The following CDH4 variants were observed in gnomAD, a reference collection of about 807,000 sequenced individuals.
The protein encoded by CDH4 is cadherin 4, also known as cadherin-4.
A neutral mutation model predicts 86.0 loss-of-function variants in CDH4; 33 were observed. The observed-to-expected ratio is 0.38, with a 90% CI of 0.29 to 0.51. The LOEUF is 0.51. Among genes scored for constraint, CDH4 ranks in the 20% least tolerant of loss-of-function variants. CDH4 has a pLI of 0.86. For missense variants in CDH4, 1,114 were observed against 1,307.4 expected, an observed-to-expected ratio of 0.85 and a Z score of 2.28; for synonymous variants, 555 against 549.4, an observed-to-expected ratio of 1.01 and a Z score of -0.14.
intron 2 of CDH4, among the ~76,000 whole-genome samples, chr20:61,451,765 G>A (rs1248609427): frequency 1.3e-5 from 2 of 152,094 alleles, no homozygotes; most frequent in East Asian, 3.9e-4. Flanking sequence ...GACAGGGCAG[G>A]AGGGCTCCCT....
intron 2 of CDH4, among the ~76,000 whole-genome samples, chr20:61,350,154 C>T (rs1217812319): frequency 1.5e-5 from 1 of 65,018 alleles, no homozygotes; most frequent in Non-Finnish European, 3.1e-5. Context: ...CACCTCTGAC[C>T]TTGCCTCTCC....
chr20:61,550,694 G>A lies in CDH4; in HGVS notation c.170-192869G>A, dbSNP rs577526016. On this transcript the variant is annotated intron_variant, in intron 2 of 15. Transcript: ENST00000614565. ...CTTCTTGGATGCCACAACCTGCACC[G>A]GAGCCCTCCTCTTCTTTGGGCTCCT... Among the ~76,000 whole-genome samples the A allele has an allele frequency of 9.8e-5, 15 of 152,288 alleles. No homozygotes were observed. The South Asian group carries it at 1.2e-3, about 13-fold the overall frequency.
intron 2 of CDH4, among the ~76,000 whole-genome samples, chr20:61,439,828 G>A (rs376734519): frequency 5.3e-5 from 8 of 152,228 alleles, no homozygotes; most frequent in East Asian, 3.9e-4. Flanking sequence ...GGGGACTAGC[G>A]GGGAGGGCTG....
intron 2 of CDH4, among the ~76,000 whole-genome samples, chr20:61,666,255 T>C (rs1251586808): frequency 1.3e-5 from 2 of 152,192 alleles, no homozygotes; most frequent in Admixed American, 6.5e-5. Context: ...CCACAAGAGA[T>C]GGCTGCACAG....
chr20:61,747,465 G>T (rs201130032), intron 3 of CDH4, among the ~76,000 whole-genome samples: 3 of 128,162 alleles, frequency 2.3e-5, no homozygotes, highest in Non-Finnish European at 3.3e-5. Flanking sequence ...AAAAAAAAAA[G>T]ACCCACAGAG....
In CDH4 at chr20:61,934,034, TCCTCCCGGCTC is replaced by T. The variant is rs774834172; in HGVS notation, c.2380-15_2380-5del. 1 of 1,609,356 alleles carries T rather than the reference TCCTCCCGGCTC, an allele frequency of 6.2e-7. No individual in the cohort carries two copies. The highest frequency in any genetic ancestry group is 8.5e-7 in the Non-Finnish European group (1 of 1,179,228). On this transcript the variant is annotated splice_polypyrimidine_tract_variant and intron_variant, in intron 14 of 15. Transcript: ENST00000614565. ...GGCGGATTCTTCTGATGCCCCTGAC[TCCTCCCGGCTC>T]CCTCCCCCAGGACTACGACCTCAGC...
intron 4 of CDH4, among the ~76,000 whole-genome samples, chr20:61,816,608 G>T (rs1223337610): frequency 6.6e-6 from 1 of 152,142 alleles, no homozygotes; most frequent in Non-Finnish European, 1.5e-5. Flanking sequence ...TGGGTGAGTG[G>T]CTGGGGAGGG....
intron 2 of CDH4, among the ~76,000 whole-genome samples, chr20:61,560,137 A>G (rs1309276705): frequency 6.6e-6 from 1 of 151,578 alleles, no homozygotes; most frequent in Non-Finnish European, 1.5e-5. Context: ...ACAAAGGAAG[A>G]CCCCCTGTGG....
chr20:61,848,308 C>T (rs1982551738), intron 5 of CDH4, among the ~76,000 whole-genome samples: 1 of 152,214 alleles, frequency 6.6e-6, no homozygotes, highest in Admixed American at 6.5e-5. Flanking sequence ...CCACCTGCCC[C>T]AGCCACCCAC....
chr20:61,864,084 T>C (rs1231044804), intron 6 of CDH4, among the ~76,000 whole-genome samples: 8 of 152,266 alleles, frequency 5.3e-5, no homozygotes, highest in African/African-American at 1.7e-4. Flanking sequence ...ATGACTGTTT[T>C]CCTTCTAACA....
At chr20:61,801,279 G>A (rs900951545) in intron 4 of CDH4, among the ~76,000 whole-genome samples, 3 of 152,064 alleles carry the variant, frequency 2.0e-5, no homozygotes, top group Non-Finnish European at 2.9e-5. Context: ...GTGGGGTCAG[G>A]CAGCCTCTGG....
At chr20:61,543,953 CAA>C (rs1163798820) in intron 2 of CDH4, among the ~76,000 whole-genome samples, 1 of 152,216 alleles carries the variant, frequency 6.6e-6, no homozygotes, top group Non-Finnish European at 1.5e-5. Flanking sequence ...CTGTCATCTG[CAA>C]AGATAGGCTC....
chr20:61,727,982 A>C (rs1424046675), intron 2 of CDH4, among the ~76,000 whole-genome samples: 1 of 152,154 alleles, frequency 6.6e-6, no homozygotes, highest in Admixed American at 6.5e-5. Flanking sequence ...GAAGCAGGTG[A>C]CTCACTCCCA....
chr20:61,341,595 A>G (rs1231180855), intron 2 of CDH4, among the ~76,000 whole-genome samples: 1 of 151,860 alleles, frequency 6.6e-6, no homozygotes, highest in Non-Finnish European at 1.5e-5. Flanking sequence ...CAGCCTTGAA[A>G]ACTGGTAAAT....
At chr20:61,343,462 G>GT (rs2084659689) in intron 2 of CDH4, among the ~76,000 whole-genome samples, 1 of 152,240 alleles carries the variant, frequency 6.6e-6, no homozygotes, top group Non-Finnish European at 1.5e-5. Flanking sequence ...TGTCTGCTGT[G>GT]TATCAGTGTT....
Position 61,879,206 on chromosome 20 carries a change from C to G in CDH4, c.1050+5306C>G, listed in dbSNP as rs1984175189. 6.6e-6 allele frequency among the ~76,000 whole-genome samples: 1 copy of G among 152,228 alleles called. No individual in the cohort carries two copies. The highest frequency in any genetic ancestry group is 1.5e-5 in the Non-Finnish European group (1 of 68,046). Reference sequence around the variant, plus strand: ...TTCACCCAGCAGAGCCACTGCCCCCCTGGGCCCAGGCCTGCTGAGCCCGAG... The same window carrying G: ...TTCACCCAGCAGAGCCACTGCCCCCGTGGGCCCAGGCCTGCTGAGCCCGAG... On this transcript the variant is annotated intron_variant, in intron 7 of 15. Coordinates refer to ENST00000614565, the MANE Select transcript of CDH4 (RefSeq NM_001794.5). The surrounding 1 kb of genome is among the most constrained non-coding windows in gnomAD (Gnocchi z 4.1).
chr20:61,848,101 G>A (rs1430967971), intron 5 of CDH4, among the ~76,000 whole-genome samples: 1 of 152,260 alleles, frequency 6.6e-6, no homozygotes, highest in Non-Finnish European at 1.5e-5. Flanking sequence ...TGCCTCTGTA[G>A]ATGGTCCTGC....
chr20:61,528,148 G>A (rs1364486244), intron 2 of CDH4, among the ~76,000 whole-genome samples: 1 of 151,576 alleles, frequency 6.6e-6, no homozygotes, highest in Non-Finnish European at 1.5e-5. Flanking sequence ...GGCTGAGGTG[G>A]GAAGATCACT....
intron 2 of CDH4, among the ~76,000 whole-genome samples, chr20:61,542,019 C>A (rs1370819391): frequency 1.3e-5 from 2 of 152,154 alleles, no homozygotes; most frequent in South Asian, 2.1e-4. Context: ...ATTTAACTGA[C>A]CTTGAGCCTG....
Sources: allele counts gnomAD v4.1 joint callset (sites outside exome capture counted in the v4.1 genomes callset), GRCh38; gene constraint gnomAD v4.1.1; non-coding constraint Gnocchi (gnomAD v3.1); transcripts MANE v1.5; gene names NCBI Gene and HGNC (gene_info 2026-07-23, HGNC 2026-07-21).